The following SULF1 variants were observed in gnomAD, a reference collection of about 807,000 sequenced individuals.
SULF1 encodes the protein extracellular sulfatase Sulf-1.
A neutral mutation model predicts 110.5 loss-of-function variants in SULF1; 46 were observed. That is an observed-to-expected ratio of 0.42 (90% confidence interval 0.33 to 0.53). The LOEUF is 0.53. SULF1 is among the 20% of genes least tolerant of loss of function. The pLI, the probability that SULF1 is intolerant of heterozygous loss-of-function variation, is 0.12. For missense variants in SULF1, 941 were observed against 1,094.2 expected (o/e 0.86, Z 1.98); for synonymous variants, 371 against 387.1 (o/e 0.96, Z 0.49).
chr8:69,626,250 T>C (rs578249738), intron 15 of SULF1, among the ~76,000 whole-genome samples: 1 of 134,362 alleles, frequency 7.4e-6, no homozygotes, highest in East Asian at 2.2e-4. Context: ...ATCCCTGAGC[T>C]AGACATAAAG....
At chr8:69,594,838 C>T (rs1040958940) in intron 8 of SULF1, among the ~76,000 whole-genome samples, 4 of 151,920 alleles carry the variant, frequency 2.6e-5, no homozygotes, top group Non-Finnish European at 1.5e-5. Context: ...TACTTAGATC[C>T]CTGAAGTCGA....
chr8:69,506,911 T>C (rs1302546077), intron 3 of SULF1, among the ~76,000 whole-genome samples: 1 of 152,196 alleles, frequency 6.6e-6, no homozygotes, highest in Non-Finnish European at 1.5e-5. Flanking sequence ...CACACAACAA[T>C]GGTCTTGTTC....
chr8:69,611,988 C>A (rs1196112750), intron 13 of SULF1, among the ~76,000 whole-genome samples: 1 of 151,996 alleles, frequency 6.6e-6, no homozygotes, highest in African/African-American at 2.4e-5. Context: ...AGTCTTTTAT[C>A]CCTCACCTGC....
At chr8:69,613,352 G>GTTTT (rs534939520) in intron 13 of SULF1, among the ~76,000 whole-genome samples, 11 of 136,772 alleles carry the variant, frequency 8.0e-5, no homozygotes, top group African/African-American at 1.4e-4. Context: ...CAATTTTTGG[G>GTTTT]TTTTTTTTTT....
chr8:69,477,149 C>T (rs1809332212), intron 1 of SULF1, among the ~76,000 whole-genome samples: 1 of 151,978 alleles, frequency 6.6e-6, no homozygotes, highest in Admixed American at 6.6e-5. Context: ...TTTGGTCCTT[C>T]TAAGAAGAGA....
At chr8:69,621,286 C>A in intron 14 of SULF1, 35 bp downstream of exon 14, 1 of 1,534,340 alleles carries the variant, frequency 6.5e-7, no homozygotes, top group Non-Finnish European at 8.9e-7. Flanking sequence ...TCAATGGTGG[C>A]CTAGGCCTGT....
intron 13 of SULF1, among the ~76,000 whole-genome samples, chr8:69,620,755 G>A (rs1235023785): frequency 2.6e-5 from 4 of 152,174 alleles, no homozygotes; most frequent in African/African-American, 4.8e-5. Flanking sequence ...TTTAGTCTGC[G>A]TGCTAAGGAT....
In SULF1 at chr8:69,639,337, A is replaced by T. The variant is rs1811291516; in HGVS notation, c.2551+479A>T. ...GACACTGAATTAGATTTCTTTTGCC[A>T]GTATTTTTCGTCTGAAACTAGAGAT... On this transcript the variant is annotated intron_variant, in intron 21 of 22. Transcript: ENST00000402687. Among the ~76,000 whole-genome samples, 4 of 152,328 alleles carry T rather than the reference A, an allele frequency of 2.6e-5. No homozygotes were observed. The South Asian group carries it at 8.3e-4, about 32-fold the overall frequency.
At chr8:69,580,177 T>C (rs538675867) in intron 6 of SULF1, among the ~76,000 whole-genome samples, 3 of 152,252 alleles carry the variant, frequency 2.0e-5, no homozygotes, top group Admixed American at 6.5e-5. Flanking sequence ...AAAATATGAG[T>C]CTATGAGAGC....
chr8:69,577,975 CAGAAACAA>C (rs528005970), intron 6 of SULF1, among the ~76,000 whole-genome samples: 48 of 152,254 alleles, frequency 3.2e-4, no homozygotes, highest in African/African-American at 1.1e-3. Context: ...CCCTGGCAAA[CAGAAACAA>C]AGAGTAGGAC....
chr8:69,557,160 A>C (rs1444340185), intron 3 of SULF1, among the ~76,000 whole-genome samples: 1 of 152,134 alleles, frequency 6.6e-6, no homozygotes, highest in South Asian at 2.1e-4. Flanking sequence ...GAAGTTTCCA[A>C]TGCCTCTTCT....
intron 10 of SULF1, among the ~76,000 whole-genome samples, chr8:69,602,642 C>T (rs1807915953): frequency 6.6e-6 from 1 of 152,168 alleles, no homozygotes; most frequent in South Asian, 2.1e-4. Flanking sequence ...ACCACATGTG[C>T]TGCTGCATCA....
rs1811425354 is a variant in SULF1, at chr8:69,640,902, GTTTCAACTAA to G, written c.2585+66_2585+75del. ...TCCCCAATAATTGCATGATCCAGTG[GTTTCAACTAA>G]TTTCTGTTTCTTACCGTGTTGCACA... On this transcript the variant is annotated intron_variant, in intron 22 of 22. Transcript: ENST00000402687. 24 of 1,529,086 alleles carry G rather than the reference GTTTCAACTAA, an allele frequency of 1.6e-5. No homozygotes were observed. The South Asian group carries it at 2.9e-4, about 18-fold the overall frequency. The allele number at this position is 1,529,086 out of a possible 1,614,324, so 94.7% of individuals were successfully genotyped here.
chr8:69,646,723 C>T (rs10957501), intron 22 of SULF1, among the ~76,000 whole-genome samples: 67,805 of 152,020 alleles, frequency 0.45, 15,820 homozygotes, highest in South Asian at 0.57. Context: ...TTCATCTCTA[C>T]ACTATACTGA....
chr8:69,571,369 C>T (rs1341339224), intron 5 of SULF1, among the ~76,000 whole-genome samples: 1 of 152,166 alleles, frequency 6.6e-6, no homozygotes, highest in African/African-American at 2.4e-5. Context: ...TTAGAAGCTC[C>T]ATTTTACAGA....
chr8:69,519,550 A>G (rs576495428), intron 3 of SULF1, among the ~76,000 whole-genome samples: 2 of 152,280 alleles, frequency 1.3e-5, no homozygotes, highest in East Asian at 3.9e-4. Context: ...TAGCTGTAAG[A>G]TGCCAGTGTC....
intron 5 of SULF1, among the ~76,000 whole-genome samples, chr8:69,566,295 A>G (rs906907050): frequency 2.0e-5 from 3 of 152,228 alleles, no homozygotes; most frequent in Admixed American, 1.3e-4. Flanking sequence ...CTACCTCTTC[A>G]ATATACAGCA....
chr8:69,514,483 A>T (rs1811788549), intron 3 of SULF1, among the ~76,000 whole-genome samples: 2 of 152,230 alleles, frequency 1.3e-5, no homozygotes, highest in South Asian at 4.1e-4. Context: ...TCACAGTTCA[A>T]TATGAGATTT....
upstream of SULF1, among the ~76,000 whole-genome samples, chr8:69,490,713 T>G (rs1293434892): frequency 1.3e-5 from 2 of 152,186 alleles, no homozygotes; most frequent in Admixed American, 6.5e-5. Flanking sequence ...AATCATTGAC[T>G]ATGGAATCAG....
Sources: allele counts gnomAD v4.1 joint callset (sites outside exome capture counted in the v4.1 genomes callset), GRCh38; gene constraint gnomAD v4.1.1; transcripts MANE v1.5; gene names NCBI Gene and HGNC (gene_info 2026-07-23, HGNC 2026-07-21).